PITPNB: variants seen among roughly 807,000 people sequenced by gnomAD.
The protein encoded by PITPNB is phosphatidylinositol transfer protein beta isoform.
In PITPNB, 16 loss-of-function variants were observed where a neutral mutation model predicts 45.9. That is an observed-to-expected ratio of 0.35 (90% CI 0.24 to 0.53). The LOEUF is 0.53. Among genes scored for constraint, PITPNB ranks in the 20% least tolerant of loss-of-function variants. The pLI is 0.93. For synonymous variants in PITPNB, 112 were observed against 108.9 expected (o/e 1.03, Z -0.18); for missense variants, 188 against 330.5 (o/e 0.57, Z 3.34).
intron 3 of PITPNB, among the ~76,000 whole-genome samples, chr22:27,906,621 TA>T (rs1187056885): frequency 6.6e-6 from 1 of 152,156 alleles, no homozygotes; most frequent in African/African-American, 2.4e-5. Context: ...TTCCTCACTA[TA>T]AAAAGTTGCT....
chr22:27,879,135 T>C (rs902425241), intron 7 of PITPNB, among the ~76,000 whole-genome samples: 2 of 152,150 alleles, frequency 1.3e-5, no homozygotes, highest in Non-Finnish European at 2.9e-5. Flanking sequence ...ACTGCTAGGC[T>C]AGAGCACAAC....
intron 7 of PITPNB, among the ~76,000 whole-genome samples, chr22:27,875,414 G>A (rs1934793443): frequency 6.6e-6 from 1 of 152,228 alleles, no homozygotes; most frequent in Admixed American, 6.5e-5. Context: ...ATCAGTTACT[G>A]TCAGCAAGTG....
Position 27,919,211 on chromosome 22 carries a change from A to AGCTGCCGCCGATACC in PITPNB, c.-35_-21dup. 1 of 1,608,234 alleles carries AGCTGCCGCCGATACC rather than the reference A, an allele frequency of 6.2e-7. No homozygotes were observed. The highest frequency in any genetic ancestry group is 1.7e-5 in the Admixed American group (1 of 59,976). On this transcript the variant is annotated 5_prime_UTR_variant, in exon 1 of 12. Transcript: ENST00000335272. ...CACCATCTTCCCGGAACCCCCTCAC[A>AGCTGCCGCCGATACC]GCTGCCGCCGATACCACCGCCGCCG...
Position 27,897,814 on chromosome 22 carries a change from G to T in PITPNB, c.276C>A (p.Pro92=). The T allele has an allele frequency of 6.2e-7, 1 of 1,611,642 alleles. No individual in the cohort carries two copies. Among genetic ancestry groups the T allele is most frequent in the Non-Finnish European group, 8.5e-7 (1 of 1,177,688 alleles). ...GGCCAAGCTTACTTGTTCTACAGTA[G>T]GGGTACGCATTCCAGGCTTTCTCAT... ...VFHEKAWNAY[P]YCRTIVTNEY... Residue 92 remains proline (P), a synonymous_variant, in exon 4 of 12, where the codon CCC becomes CCA. Coordinates refer to ENST00000335272, the MANE Select transcript of PITPNB (RefSeq NM_012399.5).
intron 8 of PITPNB, among the ~76,000 whole-genome samples, chr22:27,872,678 C>G (rs1934704071): frequency 6.6e-6 from 1 of 152,176 alleles, no homozygotes; most frequent in Non-Finnish European, 1.5e-5. Context: ...CTGCATGCAA[C>G]TAGTACCTAG....
chr22:27,857,633 G>A (rs1934210034), intron 10 of PITPNB, among the ~76,000 whole-genome samples: 1 of 152,198 alleles, frequency 6.6e-6, no homozygotes. Flanking sequence ...GCAGGCCCTG[G>A]ACATTCCTTG....
intron 3 of PITPNB, among the ~76,000 whole-genome samples, chr22:27,901,982 G>A (rs1935607732): frequency 2.0e-5 from 3 of 151,952 alleles, no homozygotes; most frequent in South Asian, 2.1e-4. Flanking sequence ...ACTGCGCCAG[G>A]CCAGGGGCTG....
At position 27,914,321 on chromosome 22, in the gene PITPNB, T is replaced by C. The variant is rs891580477; in HGVS notation, c.47A>G (p.Gln16Arg). Residue 16 changes from glutamine to arginine, a missense_variant, in exon 2 of 12, where the codon CAG becomes CGG. Gln to Arg is a conservative substitution (Grantham distance 43, BLOSUM62 1). Coordinates refer to ENST00000335272, the MANE Select transcript of PITPNB (RefSeq NM_012399.5). ...EFRVVLPCSV[Q>R]EYQVGQLYSV... Reference sequence around the variant, plus strand: ...GCAGAAGCAAGAAAAACTCACCTCCTGAACAGAACATGGCAAAACCACACG... The same window carrying C: ...GCAGAAGCAAGAAAAACTCACCTCCCGAACAGAACATGGCAAAACCACACG... The C allele has an allele frequency of 1.3e-6, 2 of 1,594,634 alleles. No individual in the cohort carries two copies. Among genetic ancestry groups the C allele is most frequent in the African/African-American group, 2.7e-5 (2 of 74,456 alleles).
Position 27,906,277 on chromosome 22 carries a change from T to C in PITPNB, c.197+4687A>G, listed in dbSNP as rs867133575. On this transcript the variant is annotated intron_variant, in intron 3 of 11. Coordinates refer to ENST00000335272, the MANE Select transcript of PITPNB (RefSeq NM_012399.5). ...AGACTGGATTGCTTACAGCCAAGGGTTTTTGTTCTGGATGGACTTATACAA... is the reference window on the plus strand; with the variant it reads ...AGACTGGATTGCTTACAGCCAAGGGCTTTTGTTCTGGATGGACTTATACAA... 4.9e-4 allele frequency among the ~76,000 whole-genome samples: 75 copies of C among 152,108 alleles called. 2 individuals carry two copies. The highest frequency in any genetic ancestry group is 4.1e-3 in the Admixed American group (62 of 15,296).
At chr22:27,896,670 T>C in intron 5 of PITPNB, 44 bp from the exon 6 acceptor site, 1 of 1,344,404 alleles carries the variant, frequency 7.4e-7, no homozygotes, top group Non-Finnish European at 1.1e-6. Flanking sequence ...CTTCTACCTG[T>C]TCCTTGGTGC....
chr22:27,905,318 T>C (rs963974847), intron 3 of PITPNB, among the ~76,000 whole-genome samples: 1 of 152,120 alleles, frequency 6.6e-6, no homozygotes, highest in African/African-American at 2.4e-5. Context: ...CCGCTAAATT[T>C]TTTGTATTTT....
Position 27,859,836 on chromosome 22 carries a change from T to C in PITPNB, c.645+295A>G, listed in dbSNP as rs925500941. Among the ~76,000 whole-genome samples the C allele has an allele frequency of 2.6e-5, 4 of 152,180 alleles. No homozygotes were observed. The South Asian group carries it at 8.3e-4, about 32-fold the overall frequency. ...TCAGGATCAGAACACCAGGTCCTCT[T>C]GGGGACGTGCTGTATGGGGAAAGGG... On this transcript the variant is annotated intron_variant, in intron 9 of 11. Transcript: ENST00000335272.
At chr22:27,911,755 TTG>T (rs1323256036) in intron 2 of PITPNB, among the ~76,000 whole-genome samples, 1 of 152,222 alleles carries the variant, frequency 6.6e-6, no homozygotes, top group African/African-American at 2.4e-5. Flanking sequence ...AAATGGTTCA[TTG>T]TGAGTCCTCA....
chr22:27,905,446 C>G (rs1422287770), intron 3 of PITPNB, among the ~76,000 whole-genome samples: 1 of 152,166 alleles, frequency 6.6e-6, no homozygotes, highest in Non-Finnish European at 1.5e-5. Flanking sequence ...CCACACCCAG[C>G]CTATTAATTT....
Position 27,857,130 on chromosome 22 carries a change from A to T in PITPNB, c.768+1257T>A, listed in dbSNP as rs1042078433. Among the ~76,000 whole-genome samples, 15 of 152,298 alleles carry T rather than the reference A, an allele frequency of 9.8e-5. No homozygotes were observed. The South Asian group carries it at 3.1e-3, about 32-fold the overall frequency. On this transcript the variant is annotated intron_variant, in intron 10 of 11. Coordinates refer to ENST00000335272, the MANE Select transcript of PITPNB (RefSeq NM_012399.5). ...ATCCAGAACTCAGAGTCCTAATATT[A>T]GTATGAGAAATTGGGGTCAAAGAGG... is the stretch of plus-strand genomic sequence containing the variant.
rs191770199 is a variant in PITPNB at position 27,906,841 on chromosome 22, G to A, written c.197+4123C>T. On this transcript the variant is annotated intron_variant, in intron 3 of 11. Coordinates refer to ENST00000335272, the MANE Select transcript of PITPNB (RefSeq NM_012399.5). ...GGAAACCAGACATTTCAAATGTCCCGTGCAATGAGTAACCAACTTTCAGAT... is the reference window on the plus strand; with the variant it reads ...GGAAACCAGACATTTCAAATGTCCCATGCAATGAGTAACCAACTTTCAGAT... Among the ~76,000 whole-genome samples, 602 of 152,270 alleles carry A rather than the reference G, an allele frequency of 4.0e-3. 5 individuals carry two copies. The highest frequency in any genetic ancestry group is 0.014 in the African/African-American group (571 of 41,554).
At chr22:27,918,440 G>A (rs1936151704) in intron 1 of PITPNB, among the ~76,000 whole-genome samples, 1 of 152,186 alleles carries the variant, frequency 6.6e-6, no homozygotes, top group Non-Finnish European at 1.5e-5. Context: ...CTTGCCAGTA[G>A]GAAAAGCCGT....
At position 27,890,543 on chromosome 22, in the gene PITPNB, G is replaced by A. The variant is rs566712500; in HGVS notation, c.456+4012C>T. ...CAGATGAACGTATGAAGCTGGGCGC[G>A]GTGGCTCATGCCTGTAATCCCAGCA... is the stretch of plus-strand genomic sequence containing the variant. On this transcript the variant is annotated intron_variant, in intron 7 of 11. Transcript: ENST00000335272. Among the ~76,000 whole-genome samples the A allele has an allele frequency of 6.6e-5, 10 of 152,220 alleles. No homozygotes were observed. The East Asian group carries it at 1.7e-3, about 26-fold the overall frequency.
intron 3 of PITPNB, among the ~76,000 whole-genome samples, chr22:27,899,542 C>G (rs1935533774): frequency 6.6e-6 from 1 of 152,100 alleles, no homozygotes; most frequent in Non-Finnish European, 1.5e-5. Flanking sequence ...CCAGGGTGGT[C>G]TTCATCTCCT....
Sources: gnomAD v4.1 joint callset for allele counts (sites outside exome capture counted in the v4.1 genomes callset) on GRCh38, gnomAD v4.1.1 for gene constraint, MANE v1.5 for transcripts, NCBI Gene and HGNC (gene_info 2026-07-23, HGNC 2026-07-21) for gene names.